Variants in SCN3A observed in about 807,000 individuals in gnomAD.
SCN3A encodes the protein sodium channel protein type 3 subunit alpha.
A neutral mutation model predicts 187.6 loss-of-function variants in SCN3A; 60 were observed. That is an observed-to-expected ratio of 0.32 (90% CI 0.26 to 0.40). The LOEUF is 0.40. SCN3A is among the 10% of genes least tolerant of loss of function. The pLI is 1.00. For missense variants in SCN3A, 1,601 were observed against 2,428.2 expected, an observed-to-expected ratio of 0.66 and a Z score of 7.16; for synonymous variants, 788 against 829.2, an observed-to-expected ratio of 0.95 and a Z score of 0.85.
chr2:165,155,914 G>C lies in SCN3A; in HGVS notation c.1032-11C>G. 1 of 1,614,062 alleles carries C rather than the reference G, an allele frequency of 6.2e-7. No homozygotes were observed. Among genetic ancestry groups the C allele is most frequent in the Non-Finnish European group, 8.5e-7 (1 of 1,179,960 alleles). On this transcript the variant is annotated splice_polypyrimidine_tract_variant and intron_variant, in intron 9 of 27. Transcript: ENST00000283254. ...CCTTCTGGACACTGGCTATAAGAGA[G>C]AGAAATGGAGGTAGGGTCAGTTTAG...
chr2:165,174,779 G>A (rs1350020508), intron 3 of SCN3A, among the ~76,000 whole-genome samples: 3 of 152,064 alleles, frequency 2.0e-5, no homozygotes, highest in Admixed American at 2.0e-4. Flanking sequence ...ATAGTAAATT[G>A]TTGAAATAAG....
intron 21 of SCN3A, among the ~76,000 whole-genome samples, chr2:165,101,670 T>G (rs1412738035): frequency 6.6e-6 from 1 of 152,240 alleles, no homozygotes; most frequent in Non-Finnish European, 1.5e-5. Flanking sequence ...GAGAAATTAA[T>G]TCATTATATC....
intron 7 of SCN3A, 141 bp downstream of exon 7, chr2:165,163,477 A>G (rs1264720093): frequency 1.9e-6 from 2 of 1,052,248 alleles, no homozygotes; most frequent in Non-Finnish European, 2.9e-6. Context: ...TTTAGGAGCT[A>G]AACTGACATT....
chr2:165,133,038 C>T (rs1245508586), intron 15 of SCN3A, among the ~76,000 whole-genome samples: 2 of 152,108 alleles, frequency 1.3e-5, no homozygotes, highest in African/African-American at 2.4e-5. Flanking sequence ...AAAATGCTCA[C>T]CATCACTGGC....
rs189067832 is a variant in SCN3A at position 165,131,524 on chromosome 2, G to C, written c.2392-107C>G. On this transcript the variant is annotated intron_variant, in intron 15 of 27. Transcript: ENST00000283254. ...GGAATAAAAATATCTAAAATTTAAA[G>C]TGAGAGAATGTGACAAATCAATTCA... 526 of 605,368 alleles carry C rather than the reference G, an allele frequency of 8.7e-4. 4 individuals carry two copies. Among genetic ancestry groups the C allele is most frequent in the African/African-American group, 8.2e-3 (427 of 52,278 alleles). 37.5% of individuals were successfully genotyped at this position (605,368 alleles called of 1,614,324 possible). A position where few individuals can be genotyped will look rare whatever the true frequency, so the allele number is the denominator to read the frequency against.
chr2:165,105,016 G>A (rs1449382708), intron 21 of SCN3A, among the ~76,000 whole-genome samples: 1 of 152,142 alleles, frequency 6.6e-6, no homozygotes, highest in Admixed American at 6.5e-5. Flanking sequence ...AGAAACCCAG[G>A]TGCCTGCAAA....
intron 5 of SCN3A, among the ~76,000 whole-genome samples, chr2:165,167,189 T>G (rs16850185): frequency 0.23 from 34,375 of 152,108 alleles, 5,082 homozygotes; most frequent in East Asian, 0.52. Context: ...GATACATGTT[T>G]AAATGCTTCA....
chr2:165,159,289 C>T (rs1689225318), intron 9 of SCN3A, among the ~76,000 whole-genome samples: 1 of 137,490 alleles, frequency 7.3e-6, no homozygotes, highest in Non-Finnish European at 1.5e-5. Flanking sequence ...TAAATTGGGT[C>T]ATTTGTTTTC....
chr2:165,123,741 G>A (rs1022462670), intron 18 of SCN3A, among the ~76,000 whole-genome samples: 4 of 152,174 alleles, frequency 2.6e-5, no homozygotes, highest in Non-Finnish European at 5.9e-5. Flanking sequence ...CAATATAAGT[G>A]TGCACCTGAA....
chr2:165,091,865 C>T (rs990877309), intron 27 of SCN3A: 1 of 304,610 alleles, frequency 3.3e-6, no homozygotes. Flanking sequence ...TCTCTGGAAG[C>T]CTGTGTTAAC....
At chr2:165,154,066 C>A (rs934089606) in intron 11 of SCN3A, among the ~76,000 whole-genome samples, 1 of 136,348 alleles carries the variant, frequency 7.3e-6, no homozygotes, top group East Asian at 2.3e-4. Context: ...TCTTGTCAAC[C>A]TTTAAAATCA....
At chr2:165,183,624 C>A (rs536422919) in intron 2 of SCN3A, among the ~76,000 whole-genome samples, 1 of 152,290 alleles carries the variant, frequency 6.6e-6, no homozygotes, top group African/African-American at 2.4e-5. Context: ...TAGTCATGGC[C>A]TATGGGTTCT....
chr2:165,146,109 A>T (rs1036754076), intron 12 of SCN3A, among the ~76,000 whole-genome samples: 1 of 152,108 alleles, frequency 6.6e-6, no homozygotes, highest in Non-Finnish European at 1.5e-5. Flanking sequence ...TTTAGGTCAT[A>T]ATTTCATTCT....
At chr2:165,098,325 A>T (rs1224230680) in intron 22 of SCN3A, among the ~76,000 whole-genome samples, 14 of 152,238 alleles carry the variant, frequency 9.2e-5, no homozygotes, top group Admixed American at 9.2e-4. Context: ...ATATTGGACC[A>T]TTCTGTTAAT....
rs1347372997 is a variant in SCN3A, at chr2:165,088,815, A to T, written c.*1335T>A. The T allele has an allele frequency of 6.6e-6, 1 of 152,584 alleles. No homozygotes were observed. The highest frequency in any genetic ancestry group is 1.5e-5 in the Non-Finnish European group (1 of 67,978). The allele number at this position is 152,584 out of a possible 1,614,324, so 9.5% of individuals were successfully genotyped here. On this transcript the variant is annotated 3_prime_UTR_variant, in exon 28 of 28. Transcript: ENST00000283254. ...GTTTTAGACATATTTTTAGCAAAATATGAAGAATAGGTTTTGTCAGTAGGC... is the reference window on the plus strand; with the variant it reads ...GTTTTAGACATATTTTTAGCAAAATTTGAAGAATAGGTTTTGTCAGTAGGC...
chr2:165,193,213 T>TC, intron 1 of SCN3A, among the ~76,000 whole-genome samples: 1 of 152,212 alleles, frequency 6.6e-6, no homozygotes, highest in East Asian at 1.9e-4. Context: ...AAGAGGCGAA[T>TC]CCCTTATTCT....
At position 165,113,793 on chromosome 2, in the gene SCN3A, T is replaced by G. The variant is rs976164124; in HGVS notation, c.3669+23A>C. On this transcript the variant is annotated intron_variant, in intron 20 of 27. Transcript: ENST00000283254. ...AAACTATTTCACCAGAATCTGATTC[T>G]TGCCAATATGCATTTCACTTACCAA... The G allele has an allele frequency of 6.2e-6, 10 of 1,611,480 alleles. No individual in the cohort carries two copies. In the African/African-American group the frequency reaches 9.4e-5, roughly 15 times the overall value.
At chr2:165,151,090 G>A (rs2105848510) in intron 11 of SCN3A, among the ~76,000 whole-genome samples, 1 of 152,132 alleles carries the variant, frequency 6.6e-6, no homozygotes, top group Non-Finnish European at 1.5e-5. Context: ...AATCAATAAG[G>A]TATATCCACA....
At chr2:165,160,819 G>T (rs1689318541) in intron 9 of SCN3A, among the ~76,000 whole-genome samples, 1 of 151,926 alleles carries the variant, frequency 6.6e-6, no homozygotes, top group Admixed American at 6.6e-5. Flanking sequence ...TTTGCATTTT[G>T]TAGTAGAGAC....
Sources: allele counts gnomAD v4.1 joint callset (sites outside exome capture counted in the v4.1 genomes callset), GRCh38; gene constraint gnomAD v4.1.1; transcripts MANE v1.5; gene names NCBI Gene and HGNC (gene_info 2026-07-23, HGNC 2026-07-21).